The following RXFP2 variants were observed in gnomAD, a reference collection of about 807,000 sequenced individuals.
The protein encoded by RXFP2 is relaxin family peptide receptor 2, also known as relaxin receptor 2.
RXFP2 carries 68 observed loss-of-function variants against 88.6 expected under a neutral mutation model. That is an observed-to-expected ratio of 0.77 (90% CI 0.63 to 0.94). The LOEUF is 0.94. RXFP2 is among the 40% of genes least tolerant of loss of function. The pLI is 0.00. For synonymous variants in RXFP2, 329 were observed against 306.8 expected, an observed-to-expected ratio of 1.07 and a Z score of -0.76; for missense variants, 791 against 893.9, an observed-to-expected ratio of 0.88 and a Z score of 1.47.
chr13:31,776,320 A>G (rs1212531691), intron 7 of RXFP2, among the ~76,000 whole-genome samples: 1 of 139,732 alleles, frequency 7.2e-6, no homozygotes, highest in Non-Finnish European at 1.5e-5. Context: ...CACTGGTACA[A>G]TCTCAACTCA....
intron 4 of RXFP2, 30 bp from the exon 5 acceptor site, chr13:31,765,926 T>C: frequency 8.9e-7 from 1 of 1,120,644 alleles, no homozygotes; most frequent in Non-Finnish European, 1.3e-6. Context: ...TAACAATCCA[T>C]AATGAAGTTT....
chr13:31,742,162 G>A (rs1871245912), intron 1 of RXFP2, among the ~76,000 whole-genome samples: 1 of 152,112 alleles, frequency 6.6e-6, no homozygotes, highest in Non-Finnish European at 1.5e-5. Flanking sequence ...ATGTAAGAAA[G>A]TAAAAGCATG....
intron 1 of RXFP2, among the ~76,000 whole-genome samples, chr13:31,745,728 GT>G (rs368256265): frequency 6.6e-6 from 1 of 152,172 alleles, no homozygotes; most frequent in African/African-American, 2.4e-5. Flanking sequence ...CATAGTATCA[GT>G]TTTTTCTGTG....
chr13:31,767,650 C>G (rs1379838572), intron 5 of RXFP2, among the ~76,000 whole-genome samples: 1 of 152,100 alleles, frequency 6.6e-6, no homozygotes, highest in Non-Finnish European at 1.5e-5. Flanking sequence ...TCATTACACA[C>G]GAAGTGACTA....
intron 5 of RXFP2, among the ~76,000 whole-genome samples, chr13:31,774,389 AG>A (rs1327239387): frequency 6.6e-6 from 1 of 152,184 alleles, no homozygotes; most frequent in East Asian, 1.9e-4. Flanking sequence ...ATCACACTGG[AG>A]TTCAGCGTAT....
chr13:31,744,146 A>C (rs1672351410), intron 1 of RXFP2, among the ~76,000 whole-genome samples: 1 of 152,094 alleles, frequency 6.6e-6, no homozygotes, highest in Non-Finnish European at 1.5e-5. Context: ...GCTTGCTAGA[A>C]TACATGCCCA....
At chr13:31,777,478 A>G (rs753693199) in intron 8 of RXFP2, 31 bp downstream of exon 8, 31 of 1,441,998 alleles carry the variant, frequency 2.1e-5, no homozygotes, top group East Asian at 4.5e-5. Context: ...CAATACATCT[A>G]TCGATACATT....
chr13:31,796,651 C>A (rs1287843772), intron 16 of RXFP2, among the ~76,000 whole-genome samples: 1 of 152,144 alleles, frequency 6.6e-6, no homozygotes. Context: ...TATTTGAAAT[C>A]TCTTTTTCAT....
rs929045474 is a variant in RXFP2 at position 31,795,331 on chromosome 13, G to A, written c.1787-1870G>A. ...TGCCCCGCTAATTTTTATATTTTTA[G>A]TAGAGTCCAGGTTTCACCACGTTGG... is the stretch of plus-strand genomic sequence containing the variant. On this transcript the variant is annotated intron_variant, in intron 16 of 17. Transcript: ENST00000298386. Among the ~76,000 whole-genome samples the A allele has an allele frequency of 4.0e-4, 61 of 151,936 alleles. 1 individual carries two copies. The highest frequency in any genetic ancestry group is 1.5e-3 in the African/African-American group (60 of 41,352).
chr13:31,746,135 C>A (rs1871404917), intron 1 of RXFP2, among the ~76,000 whole-genome samples: 1 of 152,208 alleles, frequency 6.6e-6, no homozygotes, highest in African/African-American at 2.4e-5. Flanking sequence ...AGAACTCCAG[C>A]CCCTGATGAT....
intron 1 of RXFP2, among the ~76,000 whole-genome samples, chr13:31,757,784 G>A (rs1465096663): frequency 6.6e-6 from 1 of 152,058 alleles, no homozygotes; most frequent in African/African-American, 2.4e-5. Context: ...TGTTGGGTGT[G>A]ATTATGGCTG....
intron 1 of RXFP2, among the ~76,000 whole-genome samples, chr13:31,746,049 C>T (rs954279001): frequency 2.0e-5 from 3 of 152,226 alleles, no homozygotes; most frequent in African/African-American, 7.2e-5. Context: ...AATAACTTCT[C>T]CGCTTCATCC....
At position 31,758,417 on chromosome 13, in the gene RXFP2, C is replaced by T; in HGVS notation, c.241+13C>T. 6.2e-7 allele frequency: 1 copy of T among 1,613,894 alleles called. No individual in the cohort carries two copies. The highest frequency in any genetic ancestry group is 8.5e-7 in the Non-Finnish European group (1 of 1,179,854). ...GAAGAGAACTGTGGTGAGTGCTCCC[C>T]TCGGCTCCCCATGTGTGCCTCACTT... On this transcript the variant is annotated intron_variant, in intron 2 of 17. Coordinates refer to ENST00000298386, the MANE Select transcript of RXFP2 (RefSeq NM_130806.5).
chr13:31,774,502 G>A, intron 5 of RXFP2, 118 bp from the exon 6 acceptor site: 1 of 723,080 alleles, frequency 1.4e-6, no homozygotes, highest in Non-Finnish European at 2.6e-6. Flanking sequence ...CATGAGAATA[G>A]GACTTCGTAC....
At chr13:31,757,876 A>G (rs9548976) in intron 1 of RXFP2, among the ~76,000 whole-genome samples, 27,841 of 152,054 alleles carry the variant, frequency 0.18, 2,494 homozygotes, top group East Asian at 0.24. Flanking sequence ...GGCAGATCAC[A>G]TGGTCAGGAG....
At chr13:31,799,526 C>A (rs1006654030) in intron 17 of RXFP2, among the ~76,000 whole-genome samples, 1 of 152,094 alleles carries the variant, frequency 6.6e-6, no homozygotes, top group Non-Finnish European at 1.5e-5. Flanking sequence ...CGTCTCCACA[C>A]CTTTTGATGT....
chr13:31,799,768 C>T (rs1874242218), intron 17 of RXFP2, among the ~76,000 whole-genome samples: 1 of 152,136 alleles, frequency 6.6e-6, no homozygotes, highest in African/African-American at 2.4e-5. Context: ...ACTAGGACTG[C>T]TATAACAAAG....
At chr13:31,801,753 C>A (rs1593477127) in intron 17 of RXFP2, among the ~76,000 whole-genome samples, 1 of 152,314 alleles carries the variant, frequency 6.6e-6, no homozygotes, top group East Asian at 1.9e-4. Context: ...AAGGTCAGAT[C>A]TGGCTTGGTC....
At chr13:31,759,956 G>T (rs11619671) in intron 2 of RXFP2, among the ~76,000 whole-genome samples, 49,699 of 151,988 alleles carry the variant, frequency 0.33, 8,978 homozygotes, top group Admixed American at 0.43. Flanking sequence ...GGGCTTCCCT[G>T]GCCCCCCTGA....
Sources: allele counts gnomAD v4.1 joint callset (sites outside exome capture counted in the v4.1 genomes callset), GRCh38; gene constraint gnomAD v4.1.1; transcripts MANE v1.5; gene names NCBI Gene and HGNC (gene_info 2026-07-23, HGNC 2026-07-21).